Variants in DYNC1I2 observed in about 807,000 individuals in gnomAD.
The protein encoded by DYNC1I2 is cytoplasmic dynein 1 intermediate chain 2.
In DYNC1I2, 53 loss-of-function variants were observed where a neutral mutation model predicts 88.6. The observed-to-expected ratio is 0.60, with a 90% confidence interval of 0.48 to 0.75. The LOEUF is 0.75. Among genes scored for constraint, DYNC1I2 ranks in the 30% least tolerant of loss-of-function variants. The pLI, the probability that DYNC1I2 is intolerant of heterozygous loss-of-function variation, is 0.00. For synonymous variants in DYNC1I2, 198 were observed against 254.6 expected (o/e 0.78, Z 2.12); for missense variants, 458 against 766.6 (o/e 0.60, Z 4.75).
chr2:171,733,089 T>C (rs1688737099), intron 15 of DYNC1I2, among the ~76,000 whole-genome samples: 1 of 152,172 alleles, frequency 6.6e-6, no homozygotes, highest in South Asian at 2.1e-4. Flanking sequence ...TGAGAACATG[T>C]GGTATTTGGT....
At chr2:171,690,545 G>A (rs1685321103) in intron 2 of DYNC1I2, among the ~76,000 whole-genome samples, 1 of 151,830 alleles carries the variant, frequency 6.6e-6, no homozygotes, top group South Asian at 2.1e-4. Flanking sequence ...ATTTCGTATA[G>A]ATTGATGCAT....
At chr2:171,712,955 G>C (rs1559379499) in intron 6 of DYNC1I2, 129 bp downstream of exon 6, 1 of 731,896 alleles carries the variant, frequency 1.4e-6, no homozygotes, top group Non-Finnish European at 2.3e-6. Flanking sequence ...ATATTTTACT[G>C]TGACACCTCA....
intron 3 of DYNC1I2, among the ~76,000 whole-genome samples, chr2:171,701,792 A>ACTCTG (rs1686279806): frequency 5.9e-5 from 9 of 152,224 alleles, no homozygotes; most frequent in Admixed American, 4.6e-4. Context: ...TAGATTATTA[A>ACTCTG]TAAAAAATTT....
chr2:171,747,759 T>C lies in DYNC1I2; in HGVS notation c.1804-17T>C. Reference sequence around the variant, plus strand: ...TTTTATTTCATTGTATATAAAACATTGTCTTTCTTTTAACAGCAGATTGCT... The same window carrying C: ...TTTTATTTCATTGTATATAAAACATCGTCTTTCTTTTAACAGCAGATTGCT... On this transcript the variant is annotated splice_polypyrimidine_tract_variant and intron_variant, in intron 17 of 17. Coordinates refer to ENST00000397119, the MANE Select transcript of DYNC1I2 (RefSeq NM_001378.3). 1 of 1,549,986 alleles carries C rather than the reference T, an allele frequency of 6.5e-7. No individual in the cohort carries two copies. Among genetic ancestry groups the C allele is most frequent in the South Asian group, 1.1e-5 (1 of 87,788 alleles).
At chr2:171,747,699 T>C in intron 17 of DYNC1I2, 77 bp from the exon 18 acceptor site, 1 of 1,036,778 alleles carries the variant, frequency 9.6e-7, no homozygotes, top group Non-Finnish European at 1.4e-6. Flanking sequence ...AAAAATTATT[T>C]GAAAACAAAC....
At chr2:171,703,844 A>C (rs951820863) in intron 3 of DYNC1I2, among the ~76,000 whole-genome samples, 2 of 152,168 alleles carry the variant, frequency 1.3e-5, no homozygotes, top group African/African-American at 4.8e-5. Flanking sequence ...TTGAGTACTG[A>C]GTATCATTGA....
intron 9 of DYNC1I2, 43 bp from the exon 10 acceptor site, chr2:171,726,151 G>A (rs746625267): frequency 1.9e-6 from 3 of 1,584,020 alleles, no homozygotes; most frequent in South Asian, 2.3e-5. Flanking sequence ...AGTGATAAAA[G>A]TTATAACACC....
chr2:171,700,623 T>C (rs1264546263), intron 3 of DYNC1I2, among the ~76,000 whole-genome samples: 1 of 146,212 alleles, frequency 6.8e-6, no homozygotes, highest in Admixed American at 6.9e-5. Flanking sequence ...TACCCTAGTT[T>C]TTTTGTTTTT....
intron 15 of DYNC1I2, among the ~76,000 whole-genome samples, chr2:171,740,198 T>G (rs1689325837): frequency 6.6e-6 from 1 of 152,204 alleles, no homozygotes; most frequent in Non-Finnish European, 1.5e-5. Flanking sequence ...AGATAGTTTA[T>G]GTTTCTGTAA....
intron 15 of DYNC1I2, among the ~76,000 whole-genome samples, chr2:171,737,603 A>ACCT (rs1689098577): frequency 2.0e-5 from 3 of 152,142 alleles, no homozygotes; most frequent in Non-Finnish European, 4.4e-5. Flanking sequence ...TTTTTAGTAG[A>ACCT]GACAGGGTTT....
At position 171,740,902 on chromosome 2, in the gene DYNC1I2, A is replaced by G. The variant is rs140494436; in HGVS notation, c.1537-3147A>G. 1.5e-3 allele frequency among the ~76,000 whole-genome samples: 221 copies of G among 152,322 alleles called. 1 individual carries two copies. The highest frequency in any genetic ancestry group is 5.1e-3 in the African/African-American group (212 of 41,582). On this transcript the variant is annotated intron_variant, in intron 15 of 17. Transcript: ENST00000397119. ...CGCCTAATTGCCAGTATCTAATTTT[A>G]GAACATTTTCAAATTTTAGAAAGAA... is the stretch of plus-strand genomic sequence containing the variant.
At chr2:171,717,372 C>T (rs1687580353) in intron 7 of DYNC1I2, among the ~76,000 whole-genome samples, 1 of 152,150 alleles carries the variant, frequency 6.6e-6, no homozygotes, top group Non-Finnish European at 1.5e-5. Flanking sequence ...ACCTCGGCCT[C>T]CCAAAGTGCT....
chr2:171,746,689 A>G (rs184268599), intron 17 of DYNC1I2, among the ~76,000 whole-genome samples: 18 of 152,302 alleles, frequency 1.2e-4, no homozygotes, highest in Admixed American at 2.6e-4. Flanking sequence ...ACATATGGCT[A>G]TTGAACACTC....
At chr2:171,689,223 AATAG>A (rs971178485) in intron 1 of DYNC1I2, among the ~76,000 whole-genome samples, 4 of 152,242 alleles carry the variant, frequency 2.6e-5, no homozygotes, top group African/African-American at 9.6e-5. Context: ...ATTACAATCT[AATAG>A]GGAACATTTC....
intron 3 of DYNC1I2, among the ~76,000 whole-genome samples, chr2:171,694,584 G>A (rs1685624025): frequency 6.6e-6 from 1 of 152,082 alleles, no homozygotes; most frequent in African/African-American, 2.4e-5. Flanking sequence ...TTGAACCTGG[G>A]AGGCAGAGGT....
intron 7 of DYNC1I2, among the ~76,000 whole-genome samples, chr2:171,721,121 T>TAAAA (rs1170082849): frequency 3.3e-5 from 2 of 60,774 alleles, no homozygotes; most frequent in African/African-American, 6.7e-5. Context: ...CCCCATCTCT[T>TAAAA]AAAAAAAAAA....
chr2:171,739,723 T>G (rs1033745942), intron 15 of DYNC1I2, among the ~76,000 whole-genome samples: 93 of 110,710 alleles, frequency 8.4e-4, no homozygotes, highest in Non-Finnish European at 1.4e-3. Context: ...TTTTTTTTTT[T>G]GAGACCGAAT....
At chr2:171,694,674 G>C (rs1685632933) in intron 3 of DYNC1I2, among the ~76,000 whole-genome samples, 1 of 151,980 alleles carries the variant, frequency 6.6e-6, no homozygotes, top group Non-Finnish European at 1.5e-5. Context: ...AAAGAAAAGA[G>C]GTTTAATTGG....
chr2:171,700,909 G>A (rs1448898420), intron 3 of DYNC1I2, among the ~76,000 whole-genome samples: 3 of 152,126 alleles, frequency 2.0e-5, no homozygotes, highest in East Asian at 1.9e-4. Flanking sequence ...GGGATTACAG[G>A]TGTGAGCCAC....
Sources: allele counts gnomAD v4.1 joint callset (sites outside exome capture counted in the v4.1 genomes callset), GRCh38; gene constraint gnomAD v4.1.1; transcripts MANE v1.5; gene names NCBI Gene and HGNC (gene_info 2026-07-23, HGNC 2026-07-21).